SEPTIN11: variants seen among roughly 807,000 people sequenced by gnomAD.
SEPTIN11 encodes the protein septin-11.
A neutral mutation model predicts 51.4 loss-of-function variants in SEPTIN11; 25 were observed. The observed-to-expected ratio is 0.49, with a 90% CI of 0.35 to 0.68. The LOEUF is 0.68. Ranked by LOEUF, SEPTIN11 falls within the 30% of genes least tolerant of loss-of-function variation. The pLI, the probability that SEPTIN11 is intolerant of heterozygous loss-of-function variation, is 0.00. For synonymous variants in SEPTIN11, 174 were observed against 184.1 expected, an observed-to-expected ratio of 0.95 and a Z score of 0.44; for missense variants, 381 against 520.8, an observed-to-expected ratio of 0.73 and a Z score of 2.61.
At position 77,014,837 on chromosome 4, in the gene SEPTIN11, G is replaced by C; in HGVS notation, c.526-19G>C. On this transcript the variant is annotated intron_variant, in intron 4 of 9. Coordinates refer to ENST00000264893, the MANE Select transcript of SEPTIN11 (RefSeq NM_018243.4). ...TCTTATGTTGGAATTGTGTAAAAAT[G>C]GACGTGTCTGTTTTACAGGTGAACA... The C allele has an allele frequency of 6.2e-7, 1 of 1,611,402 alleles. No individual in the cohort carries two copies. The highest frequency in any genetic ancestry group is 1.3e-5 in the African/African-American group (1 of 74,904).
At chr4:77,019,456 A>G (rs1725538459) in intron 6 of SEPTIN11, among the ~76,000 whole-genome samples, 195 bp downstream of exon 6, 1 of 152,146 alleles carries the variant, frequency 6.6e-6, no homozygotes, top group Admixed American at 6.5e-5. Flanking sequence ...GACAATGGAG[A>G]GACATGGCTG....
At position 77,028,548 on chromosome 4, in the gene SEPTIN11, A is replaced by G. The variant is rs779392754; in HGVS notation, c.954-81A>G. ...GCAGCTTTATCTATGTTTTGAAAGT[A>G]GATAGGTAGAAATTATGTGAACTGA... On this transcript the variant is annotated intron_variant, in intron 7 of 9. Coordinates refer to ENST00000264893, the MANE Select transcript of SEPTIN11 (RefSeq NM_018243.4). The G allele has an allele frequency of 1.1e-4, 160 of 1,399,152 alleles. 1 individual carries two copies. The highest frequency in any genetic ancestry group is 1.5e-4 in the Non-Finnish European group (155 of 1,032,978). The allele number at this position is 1,399,152 out of a possible 1,614,324, so 86.7% of individuals were successfully genotyped here.
At chr4:77,030,599 C>G (rs1189804155) in intron 8 of SEPTIN11, among the ~76,000 whole-genome samples, 184 bp from the exon 9 acceptor site, 5 of 151,854 alleles carry the variant, frequency 3.3e-5, no homozygotes, top group Admixed American at 2.6e-4. Flanking sequence ...GTTTCACCAT[C>G]TTGGCCAGGC....
At chr4:76,965,013 CA>C (rs1237552718) in intron 1 of SEPTIN11, among the ~76,000 whole-genome samples, 1 of 152,168 alleles carries the variant, frequency 6.6e-6, no homozygotes, top group Non-Finnish European at 1.5e-5. Flanking sequence ...TAAAACTTGG[CA>C]TTGCTAAGTC....
At chr4:77,026,437 C>G (rs1726149629) in intron 7 of SEPTIN11, among the ~76,000 whole-genome samples, 2 of 152,170 alleles carry the variant, frequency 1.3e-5, no homozygotes, top group Non-Finnish European at 2.9e-5. Flanking sequence ...TACCAGACAT[C>G]CTGAATCAGC....
At chr4:76,982,894 ATATC>A (rs1392335856) in intron 1 of SEPTIN11, among the ~76,000 whole-genome samples, 1 of 151,776 alleles carries the variant, frequency 6.6e-6, no homozygotes, top group Non-Finnish European at 1.5e-5. Flanking sequence ...GCTTTTACTA[ATATC>A]TATCTTTTTT....
chr4:76,965,873 G>A (rs1722015896), intron 1 of SEPTIN11, among the ~76,000 whole-genome samples: 1 of 152,178 alleles, frequency 6.6e-6, no homozygotes, highest in African/African-American at 2.4e-5. Flanking sequence ...AAAGGATCTT[G>A]TATCATCGGA....
At chr4:77,023,269 T>TACAC (rs61693678) in intron 7 of SEPTIN11, among the ~76,000 whole-genome samples, 6,303 of 139,180 alleles carry the variant, frequency 0.045, 177 homozygotes, top group African/African-American at 0.069. Context: ...GGAAAATGTA[T>TACAC]ACACACACAC....
chr4:76,982,231 GA>G (rs1722808664), intron 1 of SEPTIN11, among the ~76,000 whole-genome samples: 2 of 140,252 alleles, frequency 1.4e-5, no homozygotes, highest in Non-Finnish European at 3.1e-5. Flanking sequence ...TTTTTTGATT[GA>G]GATGGAGTCT....
At position 77,038,127 on chromosome 4, in the gene SEPTIN11, G is replaced by A. The variant is rs977554970; in HGVS notation, c.*3615G>A. The A allele has an allele frequency of 1.5e-5, 15 of 985,826 alleles. No individual in the cohort carries two copies. The highest frequency in any genetic ancestry group is 4.7e-5 in the South Asian group (1 of 21,276). The allele number at this position is 985,826 out of a possible 1,614,324, so 61.1% of individuals were successfully genotyped here. A position where few individuals can be genotyped will look rare whatever the true frequency, so the allele number is the denominator to read the frequency against. On this transcript the variant is annotated 3_prime_UTR_variant, in exon 10 of 10. Coordinates refer to ENST00000264893, the MANE Select transcript of SEPTIN11 (RefSeq NM_018243.4). ...TCTGGAATTGTCAGGTCTCAGCTTC[G>A]AAAAGTCCTGGTTCCACTGACAGGA...
Position 77,020,566 on chromosome 4 carries a change from G to A in SEPTIN11, c.849G>A (p.Glu283=), listed in dbSNP as rs1725638089. Residue 283 remains glutamate, a synonymous_variant, in exon 7 of 10, where the codon GAG becomes GAA. Coordinates refer to ENST00000264893, the MANE Select transcript of SEPTIN11 (RefSeq NM_018243.4). ...LREMLIRVNM[E]DLREQTHTRH... The stretch of plus-strand genomic sequence containing the variant: ...AGATGCTGATCCGCGTGAACATGGA[G>A]GACTTGCGAGAGCAGACTCACACCC... The A allele has an allele frequency of 6.2e-7, 1 of 1,613,970 alleles. No individual in the cohort carries two copies. Among genetic ancestry groups the A allele is most frequent in the African/African-American group, 1.3e-5 (1 of 74,916 alleles).
intron 5 of SEPTIN11, among the ~76,000 whole-genome samples, chr4:77,016,042 G>C (rs1725199885): frequency 6.6e-6 from 1 of 152,168 alleles, no homozygotes; most frequent in Admixed American, 6.5e-5. Flanking sequence ...AGATACTGTA[G>C]CAGGAATTCT....
In SEPTIN11 at chr4:77,037,680, G is replaced by T; in HGVS notation, c.*3168G>T. 1 of 985,658 alleles carries T rather than the reference G, an allele frequency of 1.0e-6. No individual in the cohort carries two copies. The highest frequency in any genetic ancestry group is 1.2e-6 in the Non-Finnish European group (1 of 829,904). The allele number at this position is 985,658 out of a possible 1,614,324, so 61.1% of individuals were successfully genotyped here. Reference sequence around the variant, plus strand: ...TGTTCAAACATAATACCATCTTTTTGCTTCTTCTGAACTTTAGATCTCCAT... The same window carrying T: ...TGTTCAAACATAATACCATCTTTTTTCTTCTTCTGAACTTTAGATCTCCAT... On this transcript the variant is annotated 3_prime_UTR_variant, in exon 10 of 10. Coordinates refer to ENST00000264893, the MANE Select transcript of SEPTIN11 (RefSeq NM_018243.4).
In SEPTIN11 at chr4:76,979,980, CTTGT is replaced by C. The variant is rs1198749468; in HGVS notation, c.28-16438_28-16435del. 2.6e-5 allele frequency among the ~76,000 whole-genome samples: 4 copies of C among 152,186 alleles called. No individual in the cohort carries two copies. The East Asian group carries it at 7.7e-4, about 29-fold the overall frequency. On this transcript the variant is annotated intron_variant, in intron 1 of 9. Transcript: ENST00000264893. ...ATCAAGCATGGTGACCTTTGAATGC[CTTGT>C]TTGTTTTTGCTAAACCATACTTAGT... is the stretch of plus-strand genomic sequence containing the variant.
In SEPTIN11 at chr4:77,037,828, C is replaced by T; in HGVS notation, c.*3316C>T. The T allele has an allele frequency of 1.0e-6, 1 of 985,860 alleles. No homozygotes were observed. Among genetic ancestry groups the T allele is most frequent in the Non-Finnish European group, 1.2e-6 (1 of 829,928 alleles). 61.1% of individuals were successfully genotyped at this position (985,860 alleles called of 1,614,324 possible). Reference sequence around the variant, plus strand: ...AAGGTTTTCTCCAAAAAGGGCATTTCAACAATGGGAATTATTTAATGTAAC... The same window carrying T: ...AAGGTTTTCTCCAAAAAGGGCATTTTAACAATGGGAATTATTTAATGTAAC... On this transcript the variant is annotated 3_prime_UTR_variant, in exon 10 of 10. Transcript: ENST00000264893.
Position 77,035,260 on chromosome 4 carries a change from G to C in SEPTIN11, c.*748G>C. On this transcript the variant is annotated 3_prime_UTR_variant, in exon 10 of 10. Transcript: ENST00000264893. ...CTCACAGATAGAGGTCTTAAAGGTT[G>C]GATCATGTAACATTGCTTAGTAGAA... 3 of 985,376 alleles carry C rather than the reference G, an allele frequency of 3.0e-6. No homozygotes were observed. The highest frequency in any genetic ancestry group is 3.6e-6 in the Non-Finnish European group (3 of 829,920). 61.0% of individuals were successfully genotyped at this position (985,376 alleles called of 1,614,324 possible). A position where few individuals can be genotyped will look rare whatever the true frequency, so the allele number is the denominator to read the frequency against.
chr4:76,990,821 T>C (rs1470239713), intron 1 of SEPTIN11, among the ~76,000 whole-genome samples: 1 of 152,212 alleles, frequency 6.6e-6, no homozygotes, highest in South Asian at 2.1e-4. Context: ...AAGTGGTGCA[T>C]GACTGCAGAA....
Position 76,949,887 on chromosome 4 carries a change from C to G in SEPTIN11, c.-17C>G. On this transcript the variant is annotated 5_prime_UTR_variant, in exon 1 of 10. Coordinates refer to ENST00000264893, the MANE Select transcript of SEPTIN11 (RefSeq NM_018243.4). ...GTAAAGCACCCGGGCGCAGCCGGAG[C>G]CGGTGCCGCAGCTGCGATGGCCGTG... The G allele has an allele frequency of 6.6e-7, 1 of 1,526,206 alleles. No homozygotes were observed. The highest frequency in any genetic ancestry group is 1.2e-5 in the South Asian group (1 of 82,302). 94.5% of individuals were successfully genotyped at this position (1,526,206 alleles called of 1,614,324 possible).
chr4:77,004,594 T>C lies in SEPTIN11; in HGVS notation c.143-1007T>C, dbSNP rs1724348193. Among the ~76,000 whole-genome samples the C allele has an allele frequency of 2.0e-5, 3 of 152,296 alleles. No individual in the cohort carries two copies. The South Asian group carries it at 6.2e-4, about 32-fold the overall frequency. On this transcript the variant is annotated intron_variant, in intron 2 of 9. Coordinates refer to ENST00000264893, the MANE Select transcript of SEPTIN11 (RefSeq NM_018243.4). Reference sequence around the variant, plus strand: ...TCAGGCAAGTTACTCATAAATCTTATCTAAGCCTAGTGTTCCATCTTGAAC... The same window carrying C: ...TCAGGCAAGTTACTCATAAATCTTACCTAAGCCTAGTGTTCCATCTTGAAC...
Sources: allele counts gnomAD v4.1 joint callset (sites outside exome capture counted in the v4.1 genomes callset), GRCh38; gene constraint gnomAD v4.1.1; transcripts MANE v1.5; gene names NCBI Gene and HGNC (gene_info 2026-07-23, HGNC 2026-07-21).